PTPN4: variants seen among roughly 807,000 people sequenced by gnomAD.
PTPN4 encodes the protein protein tyrosine phosphatase non-receptor type 4.
In PTPN4, 49 loss-of-function variants were observed where a neutral mutation model predicts 135.5. The observed-to-expected ratio is 0.36, with a 90% CI of 0.29 to 0.46. The LOEUF (loss-of-function observed/expected upper bound fraction) is 0.46, where lower values mean the gene tolerates loss of function less well. Ranked by LOEUF, PTPN4 falls within the 20% of genes least tolerant of loss-of-function variation. The pLI is 1.00. For missense variants in PTPN4, 860 were observed against 1,101.0 expected, an observed-to-expected ratio of 0.78 and a Z score of 3.10; for synonymous variants, 333 against 369.9, an observed-to-expected ratio of 0.90 and a Z score of 1.14.
At chr2:119,959,374 C>T (rs933710552) in intron 22 of PTPN4, among the ~76,000 whole-genome samples, 7 of 152,134 alleles carry the variant, frequency 4.6e-5, no homozygotes, top group Non-Finnish European at 7.4e-5. Flanking sequence ...ACTATTTCAC[C>T]TGAGATTGAA....
chr2:119,792,892 G>C (rs181192636), intron 1 of PTPN4, among the ~76,000 whole-genome samples: 1 of 152,186 alleles, frequency 6.6e-6, no homozygotes, highest in Non-Finnish European at 1.5e-5. Flanking sequence ...GGGAGTGTAT[G>C]AATAGGGTGT....
chr2:119,925,193 A>G (rs546695810), intron 12 of PTPN4, among the ~76,000 whole-genome samples: 39 of 152,220 alleles, frequency 2.6e-4, no homozygotes, highest in African/African-American at 9.4e-4. Flanking sequence ...CATGACTATT[A>G]AAGCAGCTGC....
intron 10 of PTPN4, among the ~76,000 whole-genome samples, chr2:119,908,946 AAGCTTAATCC>A (rs1383777618): frequency 1.3e-5 from 2 of 152,182 alleles, no homozygotes. Context: ...GCATTCCCTT[AAGCTTAATCC>A]AGAACAAGGC....
intron 8 of PTPN4, among the ~76,000 whole-genome samples, chr2:119,883,840 G>A (rs528224403): frequency 6.6e-4 from 101 of 152,292 alleles, no homozygotes; most frequent in African/African-American, 2.3e-3. Flanking sequence ...AATGTTAGCT[G>A]TTGTTATTAT....
intron 1 of PTPN4, among the ~76,000 whole-genome samples, chr2:119,765,575 G>A (rs975561740): frequency 2.6e-5 from 4 of 152,168 alleles, no homozygotes; most frequent in Non-Finnish European, 4.4e-5. Flanking sequence ...TCCTTTATAT[G>A]TTAAGCAAAC....
chr2:119,949,004 A>G (rs1001945469), intron 18 of PTPN4, among the ~76,000 whole-genome samples: 34 of 152,144 alleles, frequency 2.2e-4, no homozygotes, highest in African/African-American at 8.2e-4. Flanking sequence ...TGTAATAGTC[A>G]ATGACTCACA....
intron 2 of PTPN4, among the ~76,000 whole-genome samples, chr2:119,818,070 A>G (rs980704784): frequency 1.3e-5 from 2 of 152,272 alleles, no homozygotes; most frequent in East Asian, 1.9e-4. Context: ...GGCTGAGACT[A>G]TGGGGTTTTC....
At chr2:119,965,921 A>G (rs1234968430) in intron 25 of PTPN4, among the ~76,000 whole-genome samples, 1 of 152,170 alleles carries the variant, frequency 6.6e-6, no homozygotes, top group African/African-American at 2.4e-5. Flanking sequence ...TTTACAATAG[A>G]TTTGATGAAG....
chr2:119,941,439 A>G (rs1465035140), intron 15 of PTPN4, among the ~76,000 whole-genome samples: 2 of 109,978 alleles, frequency 1.8e-5, no homozygotes, highest in Admixed American at 9.4e-5. Context: ...GTGTGTGTGT[A>G]TAGAGTTTGG....
At chr2:119,877,656 G>A in intron 5 of PTPN4, 114 bp downstream of exon 5, 1 of 1,314,858 alleles carries the variant, frequency 7.6e-7, no homozygotes, top group Non-Finnish European at 1.0e-6. Flanking sequence ...TTTCCAGTCA[G>A]TACACAGAAT....
intron 20 of PTPN4, among the ~76,000 whole-genome samples, chr2:119,956,268 G>A (rs907413777): frequency 7.9e-6 from 1 of 127,252 alleles, no homozygotes; most frequent in Non-Finnish European, 1.6e-5. Flanking sequence ...TTTGAGAAGC[G>A]GCCTCTCACT....
chr2:119,978,899 C>T lies in PTPN4; in HGVS notation c.*1829C>T, dbSNP rs565957097. 11 of 152,008 alleles carry T rather than the reference C, an allele frequency of 7.2e-5. No homozygotes were observed. Among genetic ancestry groups the T allele is most frequent in the South Asian group, 2.1e-4 (1 of 4,822 alleles). 9.4% of individuals were successfully genotyped at this position (152,008 alleles called of 1,614,324 possible). On this transcript the variant is annotated 3_prime_UTR_variant, in exon 27 of 27. Coordinates refer to ENST00000263708, the MANE Select transcript of PTPN4 (RefSeq NM_002830.4). ...AATTTCAGGAAATCAAGCTCCTAAA[C>T]ATTAATAGCCAAGATACCAAATAAA...
intron 19 of PTPN4, 139 bp from the exon 20 acceptor site, chr2:119,955,018 C>T: frequency 1.3e-6 from 1 of 749,654 alleles, no homozygotes; most frequent in Non-Finnish European, 2.0e-6. Context: ...ATAGTGACAC[C>T]AGACTCAGAT....
intron 15 of PTPN4, among the ~76,000 whole-genome samples, chr2:119,943,704 GC>G (rs757505154): frequency 1.4e-5 from 2 of 143,186 alleles, no homozygotes; most frequent in Admixed American, 7.5e-5. Context: ...TCCTGCCTCA[GC>G]CCCCCCGAGT....
At chr2:119,951,883 CCTG>C in intron 18 of PTPN4, 87 bp from the exon 19 acceptor site, 1 of 1,025,278 alleles carries the variant, frequency 9.8e-7, no homozygotes, top group Non-Finnish European at 1.4e-6. Flanking sequence ...GTTTAGTTCT[CCTG>C]CTATTGGGTC....
chr2:119,812,592 C>T (rs1179943076), intron 2 of PTPN4, among the ~76,000 whole-genome samples: 2 of 152,122 alleles, frequency 1.3e-5, no homozygotes, highest in African/African-American at 2.4e-5. Context: ...CCTGTTATCA[C>T]TGGGTTTGTG....
intron 2 of PTPN4, among the ~76,000 whole-genome samples, chr2:119,823,600 A>G (rs773090571): frequency 5.8e-4 from 88 of 152,216 alleles, no homozygotes; most frequent in Non-Finnish European, 7.5e-4. Context: ...TTCACTTTCA[A>G]TTATTTCGTG....
In PTPN4 at chr2:119,879,126, C is replaced by T. The variant is rs569839751; in HGVS notation, c.368+1584C>T. On this transcript the variant is annotated intron_variant, in intron 5 of 26. Transcript: ENST00000263708. ...AAAAAACAAAAATGAAAAACAAAGT[C>T]GTGTTATATGTATACACCTTAGCTT... is the stretch of plus-strand genomic sequence containing the variant. Among the ~76,000 whole-genome samples, 68 of 151,160 alleles carry T rather than the reference C, an allele frequency of 4.5e-4. No homozygotes were observed. In the South Asian group the frequency reaches 0.013, roughly 29 times the overall value.
chr2:119,788,956 T>C (rs931534597), intron 1 of PTPN4, among the ~76,000 whole-genome samples: 3 of 152,228 alleles, frequency 2.0e-5, no homozygotes, highest in Admixed American at 6.5e-5. Flanking sequence ...TGCTGAATCA[T>C]AGGATAATTC....
Sources: gnomAD v4.1 joint callset for allele counts (sites outside exome capture counted in the v4.1 genomes callset) on GRCh38, gnomAD v4.1.1 for gene constraint, MANE v1.5 for transcripts, NCBI Gene and HGNC (gene_info 2026-07-23, HGNC 2026-07-21) for gene names.